The following PAG1 variants were observed in gnomAD, a reference collection of about 807,000 sequenced individuals.
PAG1 encodes phosphoprotein associated with glycosphingolipid-enriched microdomains 1.
In PAG1, 23 loss-of-function variants were observed where a neutral mutation model predicts 31.7. The observed-to-expected ratio is 0.73, with a 90% CI of 0.52 to 1.03. The LOEUF (loss-of-function observed/expected upper bound fraction) is 1.03, where lower values mean the gene tolerates loss of function less well. Ranked by LOEUF, PAG1 falls within the 50% of genes least tolerant of loss-of-function variation. The pLI is 0.00. For synonymous variants in PAG1, 214 were observed against 210.3 expected (o/e 1.02, Z -0.15); for missense variants, 473 against 540.7 (o/e 0.87, Z 1.24).
chr8:81,020,550 G>A (rs909512577), intron 3 of PAG1, among the ~76,000 whole-genome samples: 15 of 152,198 alleles, frequency 9.9e-5, no homozygotes, highest in Admixed American at 3.9e-4. Flanking sequence ...CATGTAAGAC[G>A]TGCCTTTGCT....
rs151279228 is a variant in PAG1 at position 80,984,712 on chromosome 8, G to C, written c.876+64C>G. On this transcript the variant is annotated intron_variant, in intron 7 of 8. Transcript: ENST00000220597. ...CAGATATTTCCCAGAACAACTCCAG[G>C]GCCAGCTAGATTCCTAACCAGAACA... 5 of 1,486,834 alleles carry C rather than the reference G, an allele frequency of 3.4e-6. No homozygotes were observed. In the African/African-American group the frequency reaches 7.0e-5, roughly 21 times the overall value. 92.1% of individuals were successfully genotyped at this position (1,486,834 alleles called of 1,614,324 possible).
chr8:80,986,119 T>G (rs1807414370), intron 6 of PAG1, among the ~76,000 whole-genome samples: 1 of 152,190 alleles, frequency 6.6e-6, no homozygotes, highest in Admixed American at 6.5e-5. Flanking sequence ...AGCCCTGCCC[T>G]TAGGATGCAG....
intron 3 of PAG1, among the ~76,000 whole-genome samples, chr8:80,994,128 C>T (rs1483090131): frequency 6.6e-6 from 1 of 150,740 alleles, no homozygotes; most frequent in African/African-American, 2.5e-5. Flanking sequence ...TCTCTCATCT[C>T]CCTACCCACT....
In PAG1 at chr8:81,084,136, A is replaced by G. The variant is rs559611216; in HGVS notation, c.-233-13966T>C. 5.9e-5 allele frequency among the ~76,000 whole-genome samples: 9 copies of G among 152,158 alleles called. No homozygotes were observed. The East Asian group carries it at 1.5e-3, about 26-fold the overall frequency. On this transcript the variant is annotated intron_variant, in intron 1 of 8. Transcript: ENST00000220597. ...GTGTGTTGCTTGGGTTTTGAGGTCT[A>G]TAGATATTCTGCCATCTTTCCTCTA...
At chr8:81,033,641 T>C (rs755694609) in intron 2 of PAG1, among the ~76,000 whole-genome samples, 7 of 152,248 alleles carry the variant, frequency 4.6e-5, no homozygotes, top group Non-Finnish European at 1.0e-4. Context: ...ACAGTTTTCA[T>C]GAGGACGGTT....
chr8:81,012,402 A>G (rs1326303385), intron 3 of PAG1, among the ~76,000 whole-genome samples: 1 of 152,226 alleles, frequency 6.6e-6, no homozygotes, highest in Admixed American at 6.5e-5. Context: ...TCAGTATTTC[A>G]GATTGCCATT....
intron 1 of PAG1, among the ~76,000 whole-genome samples, chr8:81,111,115 C>A (rs1220463629): frequency 6.6e-6 from 1 of 152,192 alleles, no homozygotes; most frequent in African/African-American, 2.4e-5. Flanking sequence ...AAGGACTAGG[C>A]TCCAATTATG....
intron 1 of PAG1, among the ~76,000 whole-genome samples, chr8:81,101,581 A>C (rs1450907399): frequency 6.6e-6 from 1 of 152,226 alleles, no homozygotes; most frequent in Admixed American, 6.5e-5. Context: ...ACACTTAAAA[A>C]AGGAAGCATA....
intron 1 of PAG1, among the ~76,000 whole-genome samples, chr8:81,072,764 A>G (rs1328678864): frequency 6.6e-6 from 1 of 152,222 alleles, no homozygotes; most frequent in Non-Finnish European, 1.5e-5. Context: ...TCATGCAGAA[A>G]AACAGTAGTG....
chr8:81,048,036 G>T (rs1238459582), intron 2 of PAG1, among the ~76,000 whole-genome samples: 2 of 152,130 alleles, frequency 1.3e-5, no homozygotes, highest in Non-Finnish European at 1.5e-5. Context: ...TAGTTCCTGT[G>T]GTTAGAACTT....
intron 1 of PAG1, among the ~76,000 whole-genome samples, chr8:81,080,814 T>C (rs970159867): frequency 2.0e-5 from 3 of 152,130 alleles, no homozygotes; most frequent in African/African-American, 4.8e-5. Flanking sequence ...ATTTGGAATA[T>C]GGCTTCTCCC....
intron 1 of PAG1, among the ~76,000 whole-genome samples, chr8:81,103,204 T>C (rs1185951192): frequency 2.0e-5 from 3 of 151,358 alleles, no homozygotes. Context: ...TAATCACATA[T>C]ATTTGCATAA....
At chr8:81,074,026 G>A (rs1337337545) in intron 1 of PAG1, among the ~76,000 whole-genome samples, 3 of 152,192 alleles carry the variant, frequency 2.0e-5, no homozygotes, top group African/African-American at 7.2e-5. Flanking sequence ...GGGAGCACTG[G>A]CCAGGTGTGG....
chr8:81,022,109 T>C (rs983161504), intron 3 of PAG1, among the ~76,000 whole-genome samples: 1 of 152,222 alleles, frequency 6.6e-6, no homozygotes, highest in Non-Finnish European at 1.5e-5. Flanking sequence ...CATTTTACTA[T>C]GCCTGATGCT....
At chr8:81,008,369 G>A (rs917575298) in intron 3 of PAG1, among the ~76,000 whole-genome samples, 7 of 151,816 alleles carry the variant, frequency 4.6e-5, no homozygotes, top group Non-Finnish European at 7.4e-5. Flanking sequence ...TTCCCTTTAC[G>A]AAGAACATAA....
intron 1 of PAG1, among the ~76,000 whole-genome samples, chr8:81,087,748 C>T (rs187856937): frequency 6.6e-6 from 1 of 152,336 alleles, no homozygotes; most frequent in Admixed American, 6.5e-5. Context: ...GCATGTGGCT[C>T]TGTGGCTGCA....
At chr8:81,050,731 A>C (rs1808714740) in intron 2 of PAG1, among the ~76,000 whole-genome samples, 1 of 152,166 alleles carries the variant, frequency 6.6e-6, no homozygotes, top group South Asian at 2.1e-4. Context: ...ATGTAGAGAA[A>C]CCCACTGAGG....
chr8:81,060,187 A>C lies in PAG1; in HGVS notation c.-175+9925T>G, dbSNP rs372625052. Among the ~76,000 whole-genome samples the C allele has an allele frequency of 2.9e-3, 442 of 152,346 alleles. 2 individuals are homozygous for C. The highest frequency in any genetic ancestry group is 0.01 in the African/African-American group (418 of 41,580). ...CATTAGTAAGAAGGCAGGGTTACTC[A>C]TTCTTAACTTAGCATTGTAAAACAA... On this transcript the variant is annotated intron_variant, in intron 2 of 8. Coordinates refer to ENST00000220597, the MANE Select transcript of PAG1 (RefSeq NM_018440.4).
At chr8:81,044,528 GTTGACATC>G (rs1048438338) in intron 2 of PAG1, among the ~76,000 whole-genome samples, 5 of 152,206 alleles carry the variant, frequency 3.3e-5, no homozygotes, top group African/African-American at 1.2e-4. Flanking sequence ...ACATGGTCCT[GTTGACATC>G]TTGATTTTGG....
Sources: allele counts gnomAD v4.1 joint callset (sites outside exome capture counted in the v4.1 genomes callset), GRCh38; gene constraint gnomAD v4.1.1; transcripts MANE v1.5; gene names NCBI Gene and HGNC (gene_info 2026-07-23, HGNC 2026-07-21).